POU2F1: variants seen among roughly 807,000 people sequenced by gnomAD.
The protein encoded by POU2F1 is POU domain, class 2, transcription factor 1.
Under a neutral mutation model 84.9 loss-of-function variants are expected in POU2F1, and 16 were observed. The observed-to-expected ratio is 0.19, with a 90% confidence interval of 0.13 to 0.29. POU2F1 has a LOEUF of 0.29. Among genes scored for constraint, POU2F1 ranks in the 10% least tolerant of loss-of-function variants. The probability of loss-of-function intolerance (pLI) is 1.00; values close to 1 mark genes in which losing one functional copy is unlikely to be tolerated. For synonymous variants in POU2F1, 368 were observed against 368.3 expected, an observed-to-expected ratio of 1.00 and a Z score of 0.01; for missense variants, 738 against 942.6, an observed-to-expected ratio of 0.78 and a Z score of 2.84.
At chr1:167,385,705 T>G (rs1161426327) in intron 8 of POU2F1, among the ~76,000 whole-genome samples, 1 of 152,224 alleles carries the variant, frequency 6.6e-6, no homozygotes, top group African/African-American at 2.4e-5. Flanking sequence ...AAAAAAATCT[T>G]TGTGTCCTTG....
chr1:167,253,246 C>T (rs1329900681), intron 1 of POU2F1, among the ~76,000 whole-genome samples: 3 of 152,148 alleles, frequency 2.0e-5, no homozygotes, highest in Non-Finnish European at 4.4e-5. Flanking sequence ...CTTTCATCAG[C>T]CCAAGAGTTT....
At chr1:167,374,585 T>C (rs1239894483) in intron 6 of POU2F1, among the ~76,000 whole-genome samples, 2 of 152,344 alleles carry the variant, frequency 1.3e-5, no homozygotes, top group South Asian at 4.1e-4. Context: ...AGGGGATTAC[T>C]GTATTTATTT....
chr1:167,368,715 G>A (rs188103238), intron 3 of POU2F1, among the ~76,000 whole-genome samples: 213 of 152,168 alleles, frequency 1.4e-3, no homozygotes, highest in Non-Finnish European at 2.7e-3. Flanking sequence ...TCAGATTTTG[G>A]TTTTTTGTTT....
chr1:167,351,126 G>A (rs1345861510), intron 2 of POU2F1, among the ~76,000 whole-genome samples: 1 of 152,162 alleles, frequency 6.6e-6, no homozygotes, highest in Non-Finnish European at 1.5e-5. Context: ...GCTGAGGTGG[G>A]TGGATCACCT....
intron 1 of POU2F1, among the ~76,000 whole-genome samples, chr1:167,266,250 AC>A (rs1651940978): frequency 6.6e-6 from 1 of 152,160 alleles, no homozygotes; most frequent in African/African-American, 2.4e-5. Context: ...CCTGGAGCAT[AC>A]CCTTTAAATC....
chr1:167,325,841 A>G (rs1350430851), intron 1 of POU2F1, among the ~76,000 whole-genome samples: 1 of 150,494 alleles, frequency 6.6e-6, no homozygotes, highest in East Asian at 2.0e-4. Flanking sequence ...GCAAGCTGAG[A>G]TTGTGCCACT....
chr1:167,283,315 A>G (rs1653290614), intron 1 of POU2F1, among the ~76,000 whole-genome samples: 1 of 152,160 alleles, frequency 6.6e-6, no homozygotes, highest in African/African-American at 2.4e-5. Context: ...AGGAAAAAAA[A>G]AAGAGGAAGA....
chr1:167,392,762 A>G (rs1648518542), intron 9 of POU2F1, among the ~76,000 whole-genome samples: 1 of 152,176 alleles, frequency 6.6e-6, no homozygotes, highest in Non-Finnish European at 1.5e-5. Flanking sequence ...ATGGTTCACA[A>G]ACTTGGACTA....
intron 1 of POU2F1, among the ~76,000 whole-genome samples, chr1:167,282,020 A>G (rs1215243702): frequency 6.6e-6 from 1 of 152,120 alleles, no homozygotes; most frequent in African/African-American, 2.4e-5. Flanking sequence ...TCTCATGGCT[A>G]CTACTTTAAT....
At chr1:167,256,767 T>C (rs748186668) in intron 1 of POU2F1, among the ~76,000 whole-genome samples, 2 of 152,194 alleles carry the variant, frequency 1.3e-5, no homozygotes, top group Non-Finnish European at 2.9e-5. Context: ...TGGAAAACTT[T>C]GGGATGTAGC....
intron 2 of POU2F1, among the ~76,000 whole-genome samples, chr1:167,354,501 A>T (rs1658807949): frequency 6.6e-6 from 1 of 152,126 alleles, no homozygotes; most frequent in South Asian, 2.1e-4. Flanking sequence ...CATGTTGGCC[A>T]GGCTGGTCTC....
chr1:167,301,715 C>T (rs1211993838), intron 1 of POU2F1, among the ~76,000 whole-genome samples: 1 of 152,162 alleles, frequency 6.6e-6, no homozygotes, highest in Non-Finnish European at 1.5e-5. Flanking sequence ...TTTTCTTACT[C>T]CTTACAGTTC....
At chr1:167,376,665 G>T (rs1332405075) in intron 7 of POU2F1, 1 of 152,278 alleles carries the variant, frequency 6.6e-6, no homozygotes, top group Admixed American at 6.5e-5. Context: ...CCACTCGTCT[G>T]TAAGGTCAGT....
intron 1 of POU2F1, among the ~76,000 whole-genome samples, chr1:167,253,536 C>G (rs1650898158): frequency 3.9e-5 from 6 of 151,980 alleles, no homozygotes; most frequent in Admixed American, 3.9e-4. Context: ...GGCGATCTTC[C>G]CACCTCAGCC....
In POU2F1 at chr1:167,412,158, G is replaced by T. The variant is rs771891204; in HGVS notation, c.1755G>T (p.Val585=). 1.1e-5 allele frequency: 17 copies of T among 1,614,070 alleles called. No homozygotes were observed. Among genetic ancestry groups the T allele is most frequent in the Non-Finnish European group, 1.4e-5 (17 of 1,180,018 alleles). The change falls in exon 14 of 16, where the codon GTG becomes GTT. Residue 585 remains valine (V), a synonymous_variant. Coordinates refer to ENST00000367866, the MANE Select transcript of POU2F1 (RefSeq NM_002697.4). Reference sequence around the variant, plus strand: ...CCTCCCCTCTTGGGACCAGCCAGGTGATGGTGACAGCATCAGGTTTGCAAA... The same window carrying T: ...CCTCCCCTCTTGGGACCAGCCAGGTTATGGTGACAGCATCAGGTTTGCAAA... ...PLSSPLGTSQ[V]MVTASGLQTA... is the part of the protein sequence containing the mutation.
At chr1:167,289,769 C>T (rs1253605159) in intron 1 of POU2F1, among the ~76,000 whole-genome samples, 3 of 152,128 alleles carry the variant, frequency 2.0e-5, no homozygotes, top group Non-Finnish European at 4.4e-5. Context: ...GAACTCAAAC[C>T]CATTTGAAAA....
intron 1 of POU2F1, among the ~76,000 whole-genome samples, chr1:167,305,306 G>A (rs904055680): frequency 6.6e-6 from 1 of 151,918 alleles, no homozygotes; most frequent in African/African-American, 2.4e-5. Context: ...TCCCACCTCG[G>A]CCTCCTTAGT....
intron 1 of POU2F1, among the ~76,000 whole-genome samples, chr1:167,222,641 A>T (rs913168025): frequency 6.6e-6 from 1 of 152,108 alleles, no homozygotes; most frequent in African/African-American, 2.4e-5. Flanking sequence ...GACTACCTCC[A>T]CCAACTTCCA....
intron 1 of POU2F1, among the ~76,000 whole-genome samples, chr1:167,320,454 A>G (rs1046689053): frequency 1.3e-5 from 2 of 152,180 alleles, no homozygotes; most frequent in African/African-American, 2.4e-5. Flanking sequence ...TTTTAGGAAA[A>G]TGGTTATAGA....
Sources: gnomAD v4.1 joint callset for allele counts (sites outside exome capture counted in the v4.1 genomes callset) on GRCh38, gnomAD v4.1.1 for gene constraint, MANE v1.5 for transcripts, NCBI Gene and HGNC (gene_info 2026-07-23, HGNC 2026-07-21) for gene names.